CHRM5: variants seen among roughly 807,000 people sequenced by gnomAD.
The protein encoded by CHRM5 is cholinergic receptor muscarinic 5, also known as muscarinic acetylcholine receptor M5.
CHRM5 carries 18 observed loss-of-function variants against 39.0 expected under a neutral mutation model. The observed-to-expected ratio is 0.46, with a 90% CI of 0.32 to 0.68. CHRM5 has a LOEUF of 0.68. CHRM5 is among the 30% of genes least tolerant of loss of function. The pLI is 0.04. For synonymous variants in CHRM5, 241 were observed against 246.3 expected (o/e 0.98, Z 0.20); for missense variants, 515 against 651.1 (o/e 0.79, Z 2.28).
At position 34,062,653 on chromosome 15, in the gene CHRM5, A is replaced by T; in HGVS notation, c.-65A>T. The T allele has an allele frequency of 1.3e-6, 2 of 1,486,082 alleles. No homozygotes were observed. Among genetic ancestry groups the T allele is most frequent in the Non-Finnish European group, 1.8e-6 (2 of 1,097,984 alleles). The allele number at this position is 1,486,082 out of a possible 1,614,324, so 92.1% of individuals were successfully genotyped here. A position where few individuals can be genotyped will look rare whatever the true frequency, so the allele number is the denominator to read the frequency against. ...TTCCCTCTCTTCCAGATGCTGGCCA[A>T]GAAGAGCTGAAATAGAAAACAGCCT... On this transcript the variant is annotated 5_prime_UTR_variant, in exon 3 of 3. The change creates a new upstream start codon in the 5' untranslated region. Transcript: ENST00000383263.
chr15:34,013,520 A>G (rs1373002340), intron 1 of CHRM5, among the ~76,000 whole-genome samples: 1 of 152,180 alleles, frequency 6.6e-6, no homozygotes, highest in African/African-American at 2.4e-5. Flanking sequence ...TTGCACCACT[A>G]AATTGCCAAT....
chr15:34,038,677 T>C (rs1303515818), intron 1 of CHRM5: 1 of 1,016,784 alleles, frequency 9.8e-7, no homozygotes, highest in South Asian at 4.7e-5. Flanking sequence ...GCCGCCCGTC[T>C]GGCGCGCGCC....
chr15:33,974,359 T>C (rs1201315882), intron 1 of CHRM5, among the ~76,000 whole-genome samples: 1 of 152,234 alleles, frequency 6.6e-6, no homozygotes, highest in Non-Finnish European at 1.5e-5. Flanking sequence ...TCACTCTCTG[T>C]GAGGAATGAA....
chr15:34,052,247 C>A (rs1047542899), intron 2 of CHRM5, among the ~76,000 whole-genome samples: 5 of 151,864 alleles, frequency 3.3e-5, no homozygotes, highest in East Asian at 3.8e-4. Context: ...AGAAAAAAAA[C>A]CACATGATTA....
intron 1 of CHRM5, among the ~76,000 whole-genome samples, chr15:33,978,275 C>G (rs1467745857): frequency 1.3e-5 from 2 of 152,166 alleles, no homozygotes; most frequent in Non-Finnish European, 2.9e-5. Context: ...TACTAGACTA[C>G]AGCAAACCCA....
intron 1 of CHRM5, among the ~76,000 whole-genome samples, chr15:34,043,609 G>A (rs1031242603): frequency 6.6e-6 from 1 of 152,136 alleles, no homozygotes; most frequent in African/African-American, 2.4e-5. Flanking sequence ...GTACTCTGGT[G>A]GAGAAAAGGG....
chr15:34,064,609 A>G lies in CHRM5; in HGVS notation c.*293A>G, dbSNP rs1900462701. Reference sequence around the variant, plus strand: ...TTCACAAGAGGAAGCACACTGGGTAACAATGAACAGTGACTCAGGGAACTT... The same window carrying G: ...TTCACAAGAGGAAGCACACTGGGTAGCAATGAACAGTGACTCAGGGAACTT... On this transcript the variant is annotated 3_prime_UTR_variant, in exon 3 of 3. Transcript: ENST00000383263. 2.6e-6 allele frequency: 1 copy of G among 388,124 alleles called. No homozygotes were observed. 24.0% of individuals were successfully genotyped at this position (388,124 alleles called of 1,614,324 possible).
At chr15:34,027,281 G>A (rs573574754) in intron 1 of CHRM5, among the ~76,000 whole-genome samples, 29 of 152,206 alleles carry the variant, frequency 1.9e-4, no homozygotes, top group African/African-American at 7.0e-4. Flanking sequence ...TTGGGAGGCT[G>A]AGGCAGGCTG....
At chr15:34,020,096 G>A (rs1295097853) in intron 1 of CHRM5, among the ~76,000 whole-genome samples, 1 of 152,112 alleles carries the variant, frequency 6.6e-6, no homozygotes, top group African/African-American at 2.4e-5. Flanking sequence ...TGGATCACAA[G>A]GTCAGGAGAT....
chr15:34,017,535 T>G (rs898557271), intron 1 of CHRM5, among the ~76,000 whole-genome samples: 1 of 142,106 alleles, frequency 7.0e-6, no homozygotes, highest in African/African-American at 2.6e-5. Context: ...CAGGCCGGAG[T>G]GCAGTACTGC....
Position 34,063,986 on chromosome 15 carries a change from C to T in CHRM5, c.1269C>T (p.Ser423=), listed in dbSNP as rs1251764135. The T allele has an allele frequency of 6.2e-7, 1 of 1,614,192 alleles. No individual in the cohort carries two copies. The highest frequency in any genetic ancestry group is 2.2e-5 in the East Asian group (1 of 44,880). Residue 423 remains serine, a synonymous_variant, in exon 3 of 3, where the codon AGC becomes AGT. Coordinates refer to ENST00000383263, the MANE Select transcript of CHRM5 (RefSeq NM_012125.4). The surrounding 1 kb of genome is among the most constrained non-coding windows in gnomAD (Gnocchi z 4.1). The part of the protein sequence containing the change: ...PSTKGLNPNP[S]HQMTKRKRVV... ...CGAAAGGCCTCAATCCCAACCCCAG[C>T]CATCAAATGACCAAACGAAAGAGAG...
chr15:33,981,218 T>C (rs1234355801), intron 1 of CHRM5, among the ~76,000 whole-genome samples: 1 of 152,220 alleles, frequency 6.6e-6, no homozygotes, highest in African/African-American at 2.4e-5. Context: ...CTAAAAAATA[T>C]GAAGCGGATG....
intron 1 of CHRM5, among the ~76,000 whole-genome samples, chr15:34,016,240 AC>A (rs1466202961): frequency 6.6e-6 from 1 of 152,244 alleles, no homozygotes; most frequent in Non-Finnish European, 1.5e-5. Context: ...ATCTCAAAAA[AC>A]AAAAACAAAA....
chr15:34,039,792 C>CT (rs2140800725), intron 1 of CHRM5, among the ~76,000 whole-genome samples: 2 of 152,280 alleles, frequency 1.3e-5, no homozygotes, highest in South Asian at 4.1e-4. Context: ...GTAGGGATGA[C>CT]TGTCATCCTT....
intron 1 of CHRM5, among the ~76,000 whole-genome samples, chr15:34,030,266 A>C (rs944434237): frequency 1.3e-5 from 2 of 152,158 alleles, no homozygotes; most frequent in African/African-American, 4.8e-5. Flanking sequence ...TCAAAAAAAG[A>C]ACTATGAATT....
At chr15:34,043,074 C>T (rs1899543589) in intron 1 of CHRM5, among the ~76,000 whole-genome samples, 3 of 151,778 alleles carry the variant, frequency 2.0e-5, no homozygotes, top group Non-Finnish European at 1.5e-5. Flanking sequence ...AGTGAAACCC[C>T]GTCTCTACTG....
chr15:34,038,662 GCGCCGC>G, intron 1 of CHRM5: 1 of 990,872 alleles, frequency 1.0e-6, no homozygotes, highest in Non-Finnish European at 1.2e-6. Context: ...GCAGGCGCCG[GCGCCGC>G]CGCCCGTCTG....
chr15:34,017,493 T>TTG (rs1555516598), intron 1 of CHRM5, among the ~76,000 whole-genome samples: 2 of 97,646 alleles, frequency 2.0e-5, no homozygotes, highest in East Asian at 2.4e-4. Flanking sequence ...TGTTTTTTTT[T>TTG]TTTTTTTGAG....
At chr15:34,032,729 T>TA (rs1255143629) in intron 1 of CHRM5, among the ~76,000 whole-genome samples, 1 of 152,196 alleles carries the variant, frequency 6.6e-6, no homozygotes, top group African/African-American at 2.4e-5. Context: ...CAGTCTACCC[T>TA]AGAAGGCACC....
Sources: allele counts gnomAD v4.1 joint callset (sites outside exome capture counted in the v4.1 genomes callset), GRCh38; gene constraint gnomAD v4.1.1; non-coding constraint Gnocchi (gnomAD v3.1); transcripts MANE v1.5; gene names NCBI Gene and HGNC (gene_info 2026-07-23, HGNC 2026-07-21).